The following CADPS variants were observed in gnomAD, a reference collection of about 807,000 sequenced individuals.
The protein encoded by CADPS is calcium-dependent secretion activator 1.
Under a neutral mutation model 167.3 loss-of-function variants are expected in CADPS, and 57 were observed. The observed-to-expected ratio is 0.34, with a 90% CI of 0.28 to 0.42. The LOEUF is 0.42. Among genes scored for constraint, CADPS ranks in the 20% least tolerant of loss-of-function variants. The pLI, the probability that CADPS is intolerant of heterozygous loss-of-function variation, is 1.00. For missense variants in CADPS, 1,414 were observed against 1,738.1 expected (o/e 0.81, Z 3.32); for synonymous variants, 676 against 635.3 (o/e 1.06, Z -0.96).
In CADPS at chr3:62,874,709, C is replaced by G. The variant is rs144449846; in HGVS notation, c.321G>C (p.Arg107=). Residue 107 remains arginine, a synonymous_variant, in exon 1 of 30, where the codon CGG becomes CGC. Transcript: ENST00000383710. This position sits in a 1 kb window ranked among gnomAD's most constrained non-coding sequence, Gnocchi z 7.1. The part of the protein sequence containing the change: ...VSEKEKEELE[R]LQKEEEERKK... Reference sequence around the variant, plus strand: ...TCCTCTCCTCCTCCTCTTTCTGCAGCCGCTCCAACTCTTCCTTCTCCTTCT... The same window carrying G: ...TCCTCTCCTCCTCCTCTTTCTGCAGGCGCTCCAACTCTTCCTTCTCCTTCT... 4 of 1,545,686 alleles carry G rather than the reference C, an allele frequency of 2.6e-6. No individual in the cohort carries two copies. Among genetic ancestry groups the G allele is most frequent in the Non-Finnish European group, 2.6e-6 (3 of 1,140,998 alleles).
chr3:62,813,241 A>G (rs1293137480), intron 1 of CADPS, among the ~76,000 whole-genome samples: 1 of 152,180 alleles, frequency 6.6e-6, no homozygotes, highest in Non-Finnish European at 1.5e-5. Flanking sequence ...TAACCTAAAC[A>G]GCATGGTACT....
chr3:62,423,941 T>C (rs1328751460), intron 28 of CADPS, among the ~76,000 whole-genome samples: 2 of 152,260 alleles, frequency 1.3e-5, no homozygotes, highest in African/African-American at 4.8e-5. Flanking sequence ...ATTGTTATTA[T>C]TAAACAGCCA....
chr3:62,616,658 A>G (rs1328297847), intron 6 of CADPS, among the ~76,000 whole-genome samples: 1 of 152,128 alleles, frequency 6.6e-6, no homozygotes, highest in Non-Finnish European at 1.5e-5. Context: ...CATGTATTAA[A>G]TGTTTACTAT....
intron 1 of CADPS, among the ~76,000 whole-genome samples, chr3:62,793,766 C>T (rs111266001): frequency 5.7e-4 from 87 of 152,236 alleles, no homozygotes; most frequent in African/African-American, 2.0e-3. Flanking sequence ...TGCGCACGTG[C>T]GTGTGTGTAC....
At chr3:62,639,203 A>G (rs2066919159) in intron 6 of CADPS, among the ~76,000 whole-genome samples, 1 of 152,138 alleles carries the variant, frequency 6.6e-6, no homozygotes, top group South Asian at 2.1e-4. Flanking sequence ...AGCCTAGCAA[A>G]ATTTAATTTC....
chr3:62,579,883 C>G (rs188177938), intron 8 of CADPS, among the ~76,000 whole-genome samples: 1 of 151,942 alleles, frequency 6.6e-6, no homozygotes, highest in African/African-American at 2.4e-5. Flanking sequence ...GTACTGCTTA[C>G]GAGGCAGGAG....
At chr3:62,871,537 G>T (rs2082630044) in intron 1 of CADPS, among the ~76,000 whole-genome samples, 1 of 152,076 alleles carries the variant, frequency 6.6e-6, no homozygotes, top group African/African-American at 2.4e-5. Flanking sequence ...ATATTAAAAA[G>T]ATAGGATTTG....
intron 1 of CADPS, among the ~76,000 whole-genome samples, chr3:62,871,198 A>C (rs1262025084): frequency 1.3e-5 from 2 of 152,182 alleles, no homozygotes; most frequent in Non-Finnish European, 2.9e-5. Flanking sequence ...AAAATTATCC[A>C]AATGATGGTA....
intron 22 of CADPS, among the ~76,000 whole-genome samples, chr3:62,479,911 C>T (rs2061779384): frequency 6.6e-6 from 1 of 152,156 alleles, no homozygotes; most frequent in African/African-American, 2.4e-5. Context: ...AAAAGAAACC[C>T]CAACTTTGTC....
In CADPS at chr3:62,863,214, T is replaced by C. The variant is rs1170025480; in HGVS notation, c.441+11375A>G. Among the ~76,000 whole-genome samples, 7 of 152,188 alleles carry C rather than the reference T, an allele frequency of 4.6e-5. 1 individual carries two copies. In the South Asian group the frequency reaches 1.0e-3, roughly 22 times the overall value. ...GATGAATGCCTCAATGTAGTTAACA[T>C]AGCACATGGTTAAGTGTGAAGGCTG... On this transcript the variant is annotated intron_variant, in intron 1 of 29. Transcript: ENST00000383710.
chr3:62,519,485 T>G (rs1224167613), intron 13 of CADPS, among the ~76,000 whole-genome samples: 1 of 152,148 alleles, frequency 6.6e-6, no homozygotes. Flanking sequence ...CCCCACTTTA[T>G]AAAAAATACC....
At position 62,523,416 on chromosome 3, in the gene CADPS, T is replaced by C. The variant is rs143555817; in HGVS notation, c.2292-5166A>G. ...CAAAGAATTCAAGATTCAATGTGTT[T>C]TGTGAAATGAATTTACCTCTTTAGT... On this transcript the variant is annotated intron_variant, in intron 13 of 29. Coordinates refer to ENST00000383710, the MANE Select transcript of CADPS (RefSeq NM_003716.4). Among the ~76,000 whole-genome samples the C allele has an allele frequency of 3.3e-3, 501 of 152,338 alleles. 3 individuals are homozygous for C. The highest frequency in any genetic ancestry group is 0.011 in the African/African-American group (474 of 41,580).
rs375743262 is a variant in CADPS at position 62,405,149 on chromosome 3, G to C, written c.3778-1964C>G. On this transcript the variant is annotated intron_variant, in intron 28 of 29. Transcript: ENST00000383710. ...TGACATGTAATCTGGGGGGGGGGGG[G>C]GCTCAACAGATCTATTTTGAGAACT... 1.8e-3 allele frequency among the ~76,000 whole-genome samples: 252 copies of C among 140,412 alleles called. 1 individual carries two copies. Among genetic ancestry groups the C allele is most frequent in the South Asian group, 2.4e-3 (10 of 4,142 alleles). 92.1% of individuals were successfully genotyped at this position (140,412 alleles called of 152,430 possible). A position where few individuals can be genotyped will look rare whatever the true frequency, so the allele number is the denominator to read the frequency against.
At chr3:62,577,436 C>T (rs1295597450) in intron 8 of CADPS, among the ~76,000 whole-genome samples, 3 of 152,090 alleles carry the variant, frequency 2.0e-5, no homozygotes, top group Admixed American at 1.3e-4. Flanking sequence ...GAGACAAGAA[C>T]CATGATTCCT....
At chr3:62,456,763 TA>T (rs11368866) in intron 26 of CADPS, among the ~76,000 whole-genome samples, 23,161 of 129,206 alleles carry the variant, frequency 0.18, 2,061 homozygotes, top group East Asian at 0.23. Flanking sequence ...TATCACTGTC[TA>T]AAAAAAAAAA....
intron 6 of CADPS, among the ~76,000 whole-genome samples, chr3:62,621,033 C>G (rs966108607): frequency 1.3e-5 from 2 of 152,178 alleles, no homozygotes; most frequent in Non-Finnish European, 2.9e-5. Context: ...TTGGACAGGA[C>G]AAACTCAACA....
At chr3:62,871,671 A>G (rs775505487) in intron 1 of CADPS, among the ~76,000 whole-genome samples, 2 of 152,148 alleles carry the variant, frequency 1.3e-5, no homozygotes, top group Non-Finnish European at 2.9e-5. Flanking sequence ...ACATTGTTAG[A>G]GTTAGGAGAT....
chr3:62,647,504 A>G (rs976872807), intron 5 of CADPS, among the ~76,000 whole-genome samples: 1 of 152,152 alleles, frequency 6.6e-6, no homozygotes, highest in African/African-American at 2.4e-5. Context: ...AAACCATTGT[A>G]CTACTCGCGT....
Position 62,492,339 on chromosome 3 carries a change from C to T in CADPS, c.2835G>A (p.Trp945Ter). 6.2e-7 allele frequency: 1 copy of T among 1,613,950 alleles called. No individual in the cohort carries two copies. Among genetic ancestry groups the T allele is most frequent in the Non-Finnish European group, 8.5e-7 (1 of 1,179,912 alleles). ...AALEVQPPDT[W>*]DSFPLFQLLN... ...GCAGCTGAAATAGTGGAAAACTGTC[C>T]CATGTGTCTGGAGGTTGCACCTCTA... The change falls in exon 20 of 30, where the codon TGG becomes TGA. Residue 945 changes from tryptophan to a stop codon, truncating the protein, a stop_gained. Transcript: ENST00000383710. LOFTEE classifies it high-confidence loss of function.
Sources: allele counts gnomAD v4.1 joint callset (sites outside exome capture counted in the v4.1 genomes callset), GRCh38; gene constraint gnomAD v4.1.1; non-coding constraint Gnocchi (gnomAD v3.1); transcripts MANE v1.5; gene names NCBI Gene and HGNC (gene_info 2026-07-23, HGNC 2026-07-21).